The following SSX3 variants were observed in gnomAD, a reference collection of about 807,000 sequenced individuals.
The protein encoded by SSX3 is protein SSX3.
In SSX3, 6 loss-of-function variants were observed where a neutral mutation model predicts 14.8. The observed-to-expected ratio is 0.41, with a 90% CI of 0.22 to 0.80. SSX3 has a LOEUF of 0.80. SSX3 is among the 30% of genes least tolerant of loss of function. The pLI is 0.34. For missense variants in SSX3, 163 were observed against 152.2 expected (o/e 1.07, Z -0.37); for synonymous variants, 55 against 52.9 (o/e 1.04, Z -0.18).
At chrX:48,349,666 A>G (rs1484054811) in intron 6 of SSX3, 16 of 1,182,203 alleles carry the variant, frequency 1.4e-5, no homozygotes, top group Middle Eastern at 3.3e-4. Context: ...AGCACCTTTC[A>G]TGTCATCAGG....
rs1311598025 is a variant in SSX3 at position 48,356,622 on chromosome X, G to A, written c.-21+12C>T. 9.0e-6 allele frequency: 1 copy of A among 111,477 alleles called. No homozygotes were observed. Among genetic ancestry groups the A allele is most frequent in the Non-Finnish European group, 1.9e-5 (1 of 53,168 alleles). The allele number at this position is 111,477 out of a possible 1,213,427, so 9.2% of individuals were successfully genotyped here. Reference sequence around the variant, plus strand: ...TAGGAAGAATGGAAAAAGAAAATCAGTGTATTCTTACTCTGATTTTGGAAG... The same window carrying A: ...TAGGAAGAATGGAAAAAGAAAATCAATGTATTCTTACTCTGATTTTGGAAG... On this transcript the variant is annotated intron_variant, in intron 1 of 7. Transcript: ENST00000298396.
rs782206727 is a variant in SSX3, at chrX:48,350,092, T to C, written c.361A>G (p.Asn121Asp). Reference protein sequence around the residue: ...IMPKKPAEEGNVSKEVPEASG... With the variant: ...IMPKKPAEEGDVSKEVPEASG... Reference sequence around the variant, plus strand: ...GCTTCTGGCACTTCCTTCGAAACATTTCCTTCCTCTGCTGGCTTCTTGGGC... The same window carrying C: ...GCTTCTGGCACTTCCTTCGAAACATCTCCTTCCTCTGCTGGCTTCTTGGGC... The change falls in exon 6 of 8, where the codon AAT becomes GAT. Residue 121 changes from asparagine to aspartate, a missense_variant. Physicochemically the swap from Asn to Asp is conservative, Grantham distance 23. Coordinates refer to ENST00000298396, the MANE Select transcript of SSX3 (RefSeq NM_021014.4). The C allele has an allele frequency of 3.3e-5, 40 of 1,210,252 alleles. No individual in the cohort carries two copies. In the East Asian group the frequency reaches 1.1e-3, roughly 34 times the overall value.
chrX:48,347,394 TATAAG>T, intron 7 of SSX3, 101 bp downstream of exon 7: 4 of 1,116,836 alleles, frequency 3.6e-6, no homozygotes, highest in Non-Finnish European at 1.2e-6. Context: ...ACTAGAAAAT[TATAAG>T]AAGGGAATGA....
At chrX:48,352,704 G>A (rs183837904) in intron 4 of SSX3, among the ~76,000 whole-genome samples, 11 of 112,349 alleles carry the variant, frequency 9.8e-5, no homozygotes, top group Admixed American at 4.7e-4. Flanking sequence ...TTTAGTTGGC[G>A]AGTAATAGGT....
chrX:48,352,278 G>T, intron 4 of SSX3, 129 bp from the exon 5 acceptor site: 2 of 828,858 alleles, frequency 2.4e-6, no homozygotes, highest in Non-Finnish European at 3.6e-6. Flanking sequence ...AGTTATTTCA[G>T]ATTTGCTTCT....
intron 5 of SSX3, among the ~76,000 whole-genome samples, chrX:48,351,650 A>C (rs782142413): frequency 1.2e-4 from 13 of 112,251 alleles, no homozygotes; most frequent in Admixed American, 3.8e-4. Context: ...TCTCTGTACC[A>C]CGATAGCCTC....
chrX:48,355,319 G>A (rs2061282118), intron 1 of SSX3, 50 bp from the exon 2 acceptor site: 1 of 1,116,843 alleles, frequency 9.0e-7, no homozygotes, highest in Non-Finnish European at 1.2e-6. Flanking sequence ...CTTTGGTCTT[G>A]TGGAGGGAGA....
At chrX:48,353,374 A>G (rs1444774018) in intron 4 of SSX3, among the ~76,000 whole-genome samples, 3 of 111,276 alleles carry the variant, frequency 2.7e-5, no homozygotes, top group Non-Finnish European at 5.7e-5. Flanking sequence ...TTGTAATCCC[A>G]GCAGTTTGGA....
intron 1 of SSX3, among the ~76,000 whole-genome samples, chrX:48,356,210 G>A (rs1305608924): frequency 3.6e-5 from 4 of 111,457 alleles, no homozygotes; most frequent in African/African-American, 1.3e-4. Context: ...TAGTCCCAAG[G>A]CCTAGGTGAG....
At position 48,347,733 on chromosome X, in the gene SSX3, A is replaced by T. The variant is rs782676138; in HGVS notation, c.467-129T>A. On this transcript the variant is annotated intron_variant, in intron 6 of 7. Coordinates refer to ENST00000298396, the MANE Select transcript of SSX3 (RefSeq NM_021014.4). ...GGGCCTTCTTTATCCAGTTTTTCAC[A>T]TTCTCTGGCTTAGAGAGGCTGAGAC... is the stretch of plus-strand genomic sequence containing the variant. 2.0e-5 allele frequency: 22 copies of T among 1,108,883 alleles called. No homozygotes were observed. In the Admixed American group the frequency reaches 2.6e-4, roughly 13 times the overall value. 91.4% of individuals were successfully genotyped at this position (1,108,883 alleles called of 1,213,427 possible).
At position 48,347,576 on chromosome X, in the gene SSX3, G is replaced by T. The variant is rs782149886; in HGVS notation, c.495C>A (p.Thr165=). The change falls in exon 7 of 8, where the codon ACC becomes ACA. Residue 165 remains threonine (T), a synonymous_variant. Coordinates refer to ENST00000298396, the MANE Select transcript of SSX3 (RefSeq NM_021014.4). The part of the protein sequence containing the change: ...SGPKRGEHAW[T]HRLRERKQLV... ...GCTGCTTTCTCTCACGCAGTCTGTG[G>T]GTCCAGGCATGTTCCCCCCTTTTGG... 1 of 1,208,208 alleles carries T rather than the reference G, an allele frequency of 8.3e-7. No homozygotes were observed. The highest frequency in any genetic ancestry group is 1.8e-5 in the African/African-American group (1 of 57,141).
intron 5 of SSX3, among the ~76,000 whole-genome samples, 185 bp from the exon 6 acceptor site, chrX:48,350,307 G>T (rs1187137551): frequency 1.8e-5 from 2 of 111,069 alleles, no homozygotes; most frequent in Non-Finnish European, 3.8e-5. Flanking sequence ...TGGCCTAAGT[G>T]AATATGGTTT....
chrX:48,350,880 C>A (rs2061259813), intron 5 of SSX3, among the ~76,000 whole-genome samples: 1 of 107,904 alleles, frequency 9.3e-6, no homozygotes, highest in Non-Finnish European at 1.9e-5. Flanking sequence ...AAGCGATTCT[C>A]CTTCCTTAGC....
rs1237029827 is a variant in SSX3 at position 48,356,699 on chromosome X, AAGAG to A, written c.-90_-87del. ...GTACTCTTGAGTATGGAAGAATCGAAAGAGAGAGAAAATCAGAGCATGCGTACTC... is the reference window on the plus strand; with the variant it reads ...GTACTCTTGAGTATGGAAGAATCGAAAGAGAAAATCAGAGCATGCGTACTC... On this transcript the variant is annotated 5_prime_UTR_variant, in exon 1 of 8. Transcript: ENST00000298396. The A allele has an allele frequency of 9.0e-6, 1 of 111,295 alleles. No individual in the cohort carries two copies. Among genetic ancestry groups the A allele is most frequent in the African/African-American group, 3.3e-5 (1 of 30,581 alleles). 9.2% of individuals were successfully genotyped at this position (111,295 alleles called of 1,213,427 possible). A position where few individuals can be genotyped will look rare whatever the true frequency, so the allele number is the denominator to read the frequency against.
In SSX3 at chrX:48,355,943, G is replaced by A. The variant is rs147878880; in HGVS notation, c.-20-674C>T. Reference sequence around the variant, plus strand: ...TGTAATCCCAGCACTTTGGGAGGCCGAGGCGTGCAGGTCACTTGAGCCCAG... The same window carrying A: ...TGTAATCCCAGCACTTTGGGAGGCCAAGGCGTGCAGGTCACTTGAGCCCAG... On this transcript the variant is annotated intron_variant, in intron 1 of 7. Transcript: ENST00000298396. Among the ~76,000 whole-genome samples, 44 of 111,399 alleles carry A rather than the reference G, an allele frequency of 3.9e-4. 1 individual carries two copies. The South Asian group carries it at 0.015, about 38-fold the overall frequency.
rs782580446 is a variant in SSX3 at position 48,348,129 on chromosome X, T to C, written c.467-525A>G. Reference sequence around the variant, plus strand: ...CTTTATTTTGTGGGTACACAGTAGGTGTATATTCTTATGGGGTACATGAGA... The same window carrying C: ...CTTTATTTTGTGGGTACACAGTAGGCGTATATTCTTATGGGGTACATGAGA... On this transcript the variant is annotated intron_variant, in intron 6 of 7. Transcript: ENST00000298396. The C allele has an allele frequency of 9.1e-5, 32 of 353,250 alleles. No individual in the cohort carries two copies. In the South Asian group the frequency reaches 1.5e-3, roughly 16 times the overall value. 29.1% of individuals were successfully genotyped at this position (353,250 alleles called of 1,213,427 possible). A position where few individuals can be genotyped will look rare whatever the true frequency, so the allele number is the denominator to read the frequency against.
chrX:48,349,997 G>A lies in SSX3; in HGVS notation c.456C>T (p.Asn152=). The change falls in exon 6 of 8, where the codon AAC becomes AAT. Residue 152 remains asparagine (N), a synonymous_variant. Coordinates refer to ENST00000298396, the MANE Select transcript of SSX3 (RefSeq NM_021014.4). Reference sequence around the variant, plus strand: ...ATTGCTTCCTCTTACCAGATATCATGTTAATCTTCTCAGAGGTAGTTGGTT... The same window carrying A: ...ATTGCTTCCTCTTACCAGATATCATATTAATCTTCTCAGAGGTAGTTGGTT... ...PGKPTTSEKI[N]MISGPKRGEH... 1 of 1,211,491 alleles carries A rather than the reference G, an allele frequency of 8.3e-7. No homozygotes were observed. The highest frequency in any genetic ancestry group is 1.1e-6 in the Non-Finnish European group (1 of 895,492).
chrX:48,350,851 A>G (rs2061259613), intron 5 of SSX3, among the ~76,000 whole-genome samples: 1 of 107,299 alleles, frequency 9.3e-6, no homozygotes, highest in Admixed American at 1.0e-4. Context: ...GCTCAAGGCA[A>G]TATCTGACTC....
chrX:48,353,499 C>T (rs1407209195), intron 4 of SSX3, among the ~76,000 whole-genome samples: 3 of 111,065 alleles, frequency 2.7e-5, no homozygotes, highest in African/African-American at 6.6e-5. Flanking sequence ...GGGGCACGTG[C>T]GTGTAACCCC....
Sources: gnomAD v4.1 joint callset for allele counts (sites outside exome capture counted in the v4.1 genomes callset) on GRCh38, gnomAD v4.1.1 for gene constraint, MANE v1.5 for transcripts, NCBI Gene and HGNC (gene_info 2026-07-23, HGNC 2026-07-21) for gene names.